Variants in PRKN observed in about 807,000 individuals in gnomAD.
PRKN encodes the protein E3 ubiquitin-protein ligase parkin.
In PRKN, 56 loss-of-function variants were observed where a neutral mutation model predicts 59.5. The observed-to-expected ratio is 0.94, with a 90% CI of 0.76 to 1.18. PRKN has a LOEUF of 1.18. Ranked by LOEUF, PRKN falls within the 50% of genes most tolerant of loss-of-function variation. PRKN has a pLI of 0.00. For synonymous variants in PRKN, 250 were observed against 222.1 expected (o/e 1.13, Z -1.12); for missense variants, 657 against 596.4 (o/e 1.10, Z -1.06).
At chr6:161,716,171 T>G in intron 7 of PRKN, 2 of 1,061,070 alleles carry the variant, frequency 1.9e-6, no homozygotes, top group Non-Finnish European at 2.6e-6. Context: ...GTTAATTTGA[T>G]GCTCACAGCA....
chr6:162,149,078 G>A (rs529050225), intron 4 of PRKN, among the ~76,000 whole-genome samples: 7 of 152,046 alleles, frequency 4.6e-5, no homozygotes, highest in African/African-American at 7.3e-5. Context: ...CTGTGTCTGC[G>A]TCTGACCATT....
intron 6 of PRKN, among the ~76,000 whole-genome samples, chr6:161,837,985 A>C (rs1369387666): frequency 6.6e-6 from 1 of 152,182 alleles, no homozygotes; most frequent in Non-Finnish European, 1.5e-5. Context: ...TGAGAAGAAA[A>C]GGTCTGCATG....
At chr6:162,452,355 A>G (rs1017860915) in intron 1 of PRKN, among the ~76,000 whole-genome samples, 1 of 152,146 alleles carries the variant, frequency 6.6e-6, no homozygotes, top group Non-Finnish European at 1.5e-5. Context: ...ATTAGGTAGG[A>G]ATTTTTTTGC....
chr6:161,701,329 T>TA (rs889491649), intron 7 of PRKN, among the ~76,000 whole-genome samples: 2 of 152,302 alleles, frequency 1.3e-5, no homozygotes, highest in East Asian at 1.9e-4. Flanking sequence ...TGTGGGTGAT[T>TA]AAAATGTGAG....
At chr6:161,829,606 G>A (rs764040064) in intron 6 of PRKN, among the ~76,000 whole-genome samples, 30 of 152,184 alleles carry the variant, frequency 2.0e-4, no homozygotes, top group Non-Finnish European at 3.5e-4. Context: ...GGATACTAAC[G>A]CTCAGGAAGC....
In PRKN at chr6:161,459,155, C is replaced by T. The variant is rs532596280; in HGVS notation, c.1084-72278G>A. On this transcript the variant is annotated intron_variant, in intron 9 of 11. Coordinates refer to ENST00000366898, the MANE Select transcript of PRKN (RefSeq NM_004562.3). This position sits in a 1 kb window ranked among gnomAD's most constrained non-coding sequence, Gnocchi z 4.8. ...TTTCAGAAGTGGTACTTAGCACCTG[C>T]CCTCAGTGATCACCATTTTTCAGGT... 1.3e-5 allele frequency among the ~76,000 whole-genome samples: 2 copies of T among 152,228 alleles called. No homozygotes were observed. Among genetic ancestry groups the T allele is most frequent in the East Asian group, 3.9e-4 (2 of 5,164 alleles).
At chr6:161,882,908 G>A (rs569568627) in intron 6 of PRKN, among the ~76,000 whole-genome samples, 2 of 151,878 alleles carry the variant, frequency 1.3e-5, no homozygotes, top group Non-Finnish European at 2.9e-5. Flanking sequence ...AGGAGGCTGA[G>A]GCATGATAAT....
rs371555433 is a variant in PRKN at position 161,512,361 on chromosome 6, C to A, written c.1083+36493G>T. 2.1e-5 allele frequency among the ~76,000 whole-genome samples: 3 copies of A among 140,568 alleles called. No individual in the cohort carries two copies. The South Asian group carries it at 6.9e-4, about 32-fold the overall frequency. 92.2% of individuals were successfully genotyped at this position (140,568 alleles called of 152,430 possible). A position where few individuals can be genotyped will look rare whatever the true frequency, so the allele number is the denominator to read the frequency against. ...AAAAGGGAGGCTCTGGTGCATAAGA[C>A]AATATAATAAAATTATAGGGAAACA... On this transcript the variant is annotated intron_variant, in intron 9 of 11. Coordinates refer to ENST00000366898, the MANE Select transcript of PRKN (RefSeq NM_004562.3).
At chr6:161,567,896 G>C (rs1186312544) in intron 8 of PRKN, among the ~76,000 whole-genome samples, 2 of 152,162 alleles carry the variant, frequency 1.3e-5, no homozygotes, top group Non-Finnish European at 2.9e-5. Context: ...AAGTCTTTAG[G>C]CTTTCACTGG....
intron 7 of PRKN, among the ~76,000 whole-genome samples, chr6:161,624,172 G>C (rs1018189450): frequency 2.6e-5 from 4 of 152,198 alleles, no homozygotes; most frequent in African/African-American, 9.7e-5. Flanking sequence ...GTTACAAAAA[G>C]AGACAGTGCC....
chr6:161,997,446 C>G (rs762185505), intron 5 of PRKN, among the ~76,000 whole-genome samples: 5 of 152,070 alleles, frequency 3.3e-5, no homozygotes, highest in African/African-American at 4.8e-5. Context: ...TGCAGTGTCT[C>G]TGTGCCTTCC....
At chr6:162,500,749 T>C (rs1359546308) in intron 1 of PRKN, among the ~76,000 whole-genome samples, 3 of 152,246 alleles carry the variant, frequency 2.0e-5, no homozygotes, top group African/African-American at 4.8e-5. Context: ...GTAATTGATA[T>C]GCTATCTGTA....
At chr6:162,340,490 C>G (rs771219268) in intron 2 of PRKN, among the ~76,000 whole-genome samples, 51 of 152,148 alleles carry the variant, frequency 3.4e-4, no homozygotes, top group Non-Finnish European at 1.3e-4. Flanking sequence ...AGTATTGCTT[C>G]TGAAAATTAA....
chr6:162,612,695 T>G (rs180863024), intron 1 of PRKN, among the ~76,000 whole-genome samples: 1 of 151,316 alleles, frequency 6.6e-6, no homozygotes, highest in East Asian at 2.0e-4. Context: ...TCTTCCAGGA[T>G]GATGATGAAA....
At chr6:161,666,928 T>A (rs1187771723) in intron 7 of PRKN, among the ~76,000 whole-genome samples, 1 of 152,170 alleles carries the variant, frequency 6.6e-6, no homozygotes, top group African/African-American at 2.4e-5. Context: ...CTTCATGTAA[T>A]GGGAGACTCA....
chr6:162,489,729 T>C (rs973629155), intron 1 of PRKN, among the ~76,000 whole-genome samples: 24 of 152,194 alleles, frequency 1.6e-4, no homozygotes, highest in African/African-American at 5.5e-4. Flanking sequence ...TGCCTTCTAC[T>C]TTGTACCCTT....
At chr6:162,721,219 C>T (rs753459461) in intron 1 of PRKN, among the ~76,000 whole-genome samples, 9 of 152,140 alleles carry the variant, frequency 5.9e-5, no homozygotes, top group African/African-American at 7.2e-5. Context: ...GCTTGTTCTC[C>T]GTAACTAGTG....
chr6:161,710,078 T>C (rs1786674220), intron 7 of PRKN, among the ~76,000 whole-genome samples: 1 of 151,594 alleles, frequency 6.6e-6, no homozygotes, highest in South Asian at 2.1e-4. Flanking sequence ...TTGCATATAT[T>C]TGACAACCAA....
chr6:162,168,167 A>C (rs1399568118), intron 4 of PRKN, among the ~76,000 whole-genome samples: 1 of 152,162 alleles, frequency 6.6e-6, no homozygotes, highest in African/African-American at 2.4e-5. Context: ...ACTGATATAA[A>C]AAAGTTGCGT....
Sources: allele counts gnomAD v4.1 joint callset (sites outside exome capture counted in the v4.1 genomes callset), GRCh38; gene constraint gnomAD v4.1.1; non-coding constraint Gnocchi (gnomAD v3.1); transcripts MANE v1.5; gene names NCBI Gene and HGNC (gene_info 2026-07-23, HGNC 2026-07-21).